The following ST18 variants were observed in gnomAD, a reference collection of about 807,000 sequenced individuals.
ST18 encodes the protein ST18 C2H2C-type zinc finger transcription factor.
In ST18, 50 loss-of-function variants were observed where a neutral mutation model predicts 110.0. The ratio of observed to expected loss-of-function variants is 0.45; its 90% CI spans 0.36 to 0.58. The LOEUF (loss-of-function observed/expected upper bound fraction) is 0.58, where lower values mean the gene tolerates loss of function less well. Among genes scored for constraint, ST18 ranks in the 20% least tolerant of loss-of-function variants. The pLI is 0.00. For missense variants in ST18, 1,306 were observed against 1,280.1 expected (o/e 1.02, Z -0.31); for synonymous variants, 461 against 452.4 (o/e 1.02, Z -0.24).
intron 8 of ST18, among the ~76,000 whole-genome samples, chr8:52,182,317 C>T (rs1034860878): frequency 3.3e-5 from 5 of 152,148 alleles, no homozygotes; most frequent in Non-Finnish European, 5.9e-5. Flanking sequence ...TTTTGAGGAA[C>T]ATTTGCCCAG....
intron 2 of ST18, among the ~76,000 whole-genome samples, chr8:52,260,250 T>A (rs528404502): frequency 1.3e-5 from 2 of 152,058 alleles, no homozygotes; most frequent in Admixed American, 1.3e-4. Context: ...TACCTATACC[T>A]ATGCCTACAC....
At chr8:52,239,167 T>TAA (rs1463241733) in intron 2 of ST18, among the ~76,000 whole-genome samples, 1 of 152,050 alleles carries the variant, frequency 6.6e-6, no homozygotes, top group African/African-American at 2.4e-5. Flanking sequence ...AGTAGATGAG[T>TAA]TGTTGCCCAG....
At chr8:52,336,564 T>C (rs1427319110) in intron 2 of ST18, among the ~76,000 whole-genome samples, 1 of 152,204 alleles carries the variant, frequency 6.6e-6, no homozygotes, top group Non-Finnish European at 1.5e-5. Flanking sequence ...TGAGCATAGC[T>C]AGCTGGATAA....
At chr8:52,180,341 T>C in intron 8 of ST18, 29 bp from the exon 9 acceptor site, 2 of 1,610,842 alleles carry the variant, frequency 1.2e-6, no homozygotes, top group Non-Finnish European at 1.7e-6. Flanking sequence ...ATTAAGAATA[T>C]GGTAAATTAG....
intron 16 of ST18, among the ~76,000 whole-genome samples, chr8:52,144,551 G>A (rs914802518): frequency 1.3e-5 from 2 of 152,070 alleles, no homozygotes; most frequent in African/African-American, 4.8e-5. Flanking sequence ...AGAGCATACT[G>A]TAGTAAATAC....
chr8:52,266,179 G>A (rs2094861177), intron 2 of ST18, among the ~76,000 whole-genome samples: 1 of 152,274 alleles, frequency 6.6e-6, no homozygotes, highest in African/African-American at 2.4e-5. Context: ...ACAATTAAAG[G>A]GAAAAATGCT....
At chr8:52,162,481 C>A (rs2133239616) in intron 13 of ST18, among the ~76,000 whole-genome samples, 1 of 152,262 alleles carries the variant, frequency 6.6e-6, no homozygotes, top group Non-Finnish European at 1.5e-5. Context: ...GGCTTTTCAC[C>A]TTTTTTCCCT....
intron 9 of ST18, among the ~76,000 whole-genome samples, chr8:52,179,061 A>G (rs2068247285): frequency 6.6e-6 from 1 of 152,222 alleles, no homozygotes; most frequent in African/African-American, 2.4e-5. Context: ...TTTTTAAATA[A>G]CAAGTTATTT....
At chr8:52,231,571 G>T (rs2091367137) in intron 2 of ST18, among the ~76,000 whole-genome samples, 1 of 152,070 alleles carries the variant, frequency 6.6e-6, no homozygotes, top group African/African-American at 2.4e-5. Flanking sequence ...TCCGCCTCCG[G>T]GTTCAAGTGA....
chr8:52,356,757 C>T (rs1159521902), intron 2 of ST18, among the ~76,000 whole-genome samples: 1 of 151,582 alleles, frequency 6.6e-6, no homozygotes, highest in Admixed American at 6.6e-5. Flanking sequence ...AAATGCCTCA[C>T]CAAATAGAAA....
At chr8:52,123,597 C>G (rs549040913) in intron 23 of ST18, among the ~76,000 whole-genome samples, 26 of 152,232 alleles carry the variant, frequency 1.7e-4, no homozygotes, top group Non-Finnish European at 3.4e-4. Context: ...GTGTACTTTT[C>G]CAGTTAGTTA....
chr8:52,184,917 C>A (rs2071405275), intron 8 of ST18, among the ~76,000 whole-genome samples: 1 of 151,960 alleles, frequency 6.6e-6, no homozygotes, highest in African/African-American at 2.4e-5. Flanking sequence ...ACCACAGATT[C>A]ATTGAAAGGG....
At chr8:52,198,240 T>C (rs1440893795) in intron 8 of ST18, among the ~76,000 whole-genome samples, 1 of 152,068 alleles carries the variant, frequency 6.6e-6, no homozygotes, top group Non-Finnish European at 1.5e-5. Flanking sequence ...CTCCTGACCT[T>C]GTGATCTGCC....
chr8:52,184,620 T>G (rs1039385284), intron 8 of ST18, among the ~76,000 whole-genome samples: 4 of 152,204 alleles, frequency 2.6e-5, no homozygotes, highest in African/African-American at 9.6e-5. Flanking sequence ...CTTTCAGGTT[T>G]CAGAAAAGAT....
chr8:52,132,960 T>C, intron 21 of ST18, 97 bp downstream of exon 21: 1 of 1,389,758 alleles, frequency 7.2e-7, no homozygotes, highest in Admixed American at 1.8e-5. Flanking sequence ...ACACCTTCCC[T>C]GAAACTCAAT....
At chr8:52,340,109 C>T (rs1814179005) in intron 2 of ST18, among the ~76,000 whole-genome samples, 1 of 152,242 alleles carries the variant, frequency 6.6e-6, no homozygotes, top group Non-Finnish European at 1.5e-5. Flanking sequence ...AAAGCAAAGG[C>T]AAGTTAATAA....
chr8:52,380,696 G>A (rs965296924), intron 2 of ST18, among the ~76,000 whole-genome samples: 3 of 152,056 alleles, frequency 2.0e-5, no homozygotes, highest in African/African-American at 4.8e-5. Context: ...AAATGCCGAT[G>A]CCTAACATTC....
intron 2 of ST18, among the ~76,000 whole-genome samples, chr8:52,377,975 A>C (rs1363329059): frequency 1.3e-5 from 2 of 152,224 alleles, no homozygotes; most frequent in South Asian, 4.1e-4. Context: ...AGGGCATTAT[A>C]ATTCAGGAAT....
intron 9 of ST18, among the ~76,000 whole-genome samples, chr8:52,175,696 G>A (rs1193165669): frequency 6.6e-6 from 1 of 152,186 alleles, no homozygotes; most frequent in East Asian, 1.9e-4. Context: ...GTCACAATAA[G>A]CACAAGAAAG....
Sources: allele counts gnomAD v4.1 joint callset (sites outside exome capture counted in the v4.1 genomes callset), GRCh38; gene constraint gnomAD v4.1.1; transcripts MANE v1.5; gene names NCBI Gene and HGNC (gene_info 2026-07-23, HGNC 2026-07-21).